The following NKAPL variants were observed in gnomAD, a reference collection of about 807,000 sequenced individuals.
NKAPL encodes the protein NFKB activating protein like, also known as NKAP-like protein.
NKAPL carries 7 observed loss-of-function variants against 14.7 expected under a neutral mutation model. The ratio of observed to expected loss-of-function variants is 0.48; its 90% CI spans 0.27 to 0.89. NKAPL has a LOEUF of 0.89. Ranked by LOEUF, NKAPL falls within the 40% of genes least tolerant of loss-of-function variation. NKAPL has a pLI of 0.12. For synonymous variants in NKAPL, 192 were observed against 179.9 expected (o/e 1.07, Z -0.54); for missense variants, 466 against 494.1 (o/e 0.94, Z 0.54).
rs1581598775 is a variant in NKAPL at position 28,259,754 on chromosome 6, T to C, written c.383T>C (p.Ile128Thr). The C allele has an allele frequency of 6.2e-7, 1 of 1,614,136 alleles. No homozygotes were observed. Among genetic ancestry groups the C allele is most frequent in the Non-Finnish European group, 8.5e-7 (1 of 1,180,024 alleles). Residue 128 changes from isoleucine (I) to threonine (T), a missense_variant, in exon 1 of 1, where the codon ATT becomes ACT. Ile to Thr is a moderately conservative substitution (Grantham distance 89, BLOSUM62 -1). Coordinates refer to ENST00000343684, the MANE Select transcript of NKAPL (RefSeq NM_001007531.3). The stretch of plus-strand genomic sequence containing the variant: ...AGGAGGCTGAAGGAGAGAGAGAGGA[T>C]TGGGGAATTGGGAGCGCCTGAAGTG... The part of the protein sequence containing the change: ...RQRRLKERER[I>T]GELGAPEVWG...
Position 28,260,418 on chromosome 6 carries a change from G to A in NKAPL, c.1047G>A (p.Met349Ile). 1 of 1,614,170 alleles carries A rather than the reference G, an allele frequency of 6.2e-7. No homozygotes were observed. The highest frequency in any genetic ancestry group is 1.1e-5 in the South Asian group (1 of 91,072). Reference sequence around the variant, plus strand: ...TGAGTGGTAGCAGGCATCGCAGAATGGAGGCTGTACGACTGCGTAAGGAGA... The same window carrying A: ...TGAGTGGTAGCAGGCATCGCAGAATAGAGGCTGTACGACTGCGTAAGGAGA... ...YVMSGSRHRRMEAVRLRKENQ... is the reference protein window; with the variant it reads ...YVMSGSRHRRIEAVRLRKENQ... The change falls in exon 1 of 1, where the codon ATG becomes ATA. Residue 349 changes from methionine (M) to isoleucine (I), a missense_variant. Coordinates refer to ENST00000343684, the MANE Select transcript of NKAPL (RefSeq NM_001007531.3).
Position 28,260,093 on chromosome 6 carries a change from A to G in NKAPL, c.722A>G (p.Asn241Ser), listed in dbSNP as rs1169930220. 37 of 1,581,498 alleles carry G rather than the reference A, an allele frequency of 2.3e-5. No homozygotes were observed. The highest frequency in any genetic ancestry group is 3.2e-5 in the Non-Finnish European group (37 of 1,171,076). ...KKKHKTKKKK[N>S]KKTKKESSDS... Reference sequence around the variant, plus strand: ...AAACACAAAACAAAGAAAAAGAAGAATAAGAAAACCAAAAAAGAATCCAGT... The same window carrying G: ...AAACACAAAACAAAGAAAAAGAAGAGTAAGAAAACCAAAAAAGAATCCAGT... Residue 241 changes from asparagine (N) to serine (S), a missense_variant, in exon 1 of 1, where the codon AAT becomes AGT. Transcript: ENST00000343684.
Position 28,260,103 on chromosome 6 carries a change from C to CA in NKAPL, c.738dup (p.Glu247ArgfsTer4). 6.3e-7 allele frequency: 1 copy of CA among 1,581,986 alleles called. No individual in the cohort carries two copies. Among genetic ancestry groups the CA allele is most frequent in the Non-Finnish European group, 8.5e-7 (1 of 1,170,966 alleles). On this transcript the variant is annotated frameshift_variant, in exon 1 of 1. Transcript: ENST00000343684. LOFTEE classifies it high-confidence loss of function. ...CAAAGAAAAAGAAGAATAAGAAAACCAAAAAAGAATCCAGTGACTCAAGCT... is the reference window on the plus strand; with the variant it reads ...CAAAGAAAAAGAAGAATAAGAAAACCAAAAAAAGAATCCAGTGACTCAAGCT...
rs1334649327 is a variant in NKAPL at position 28,259,593 on chromosome 6, G to A, written c.222G>A (p.Arg74=). Residue 74 remains arginine (R), a synonymous_variant, in exon 1 of 1, where the codon CGG becomes CGA. Coordinates refer to ENST00000343684, the MANE Select transcript of NKAPL (RefSeq NM_001007531.3). ...TTAGTCGCTCTGGGTCGCGAGGGCG[G>A]CTCCCAAGATTCCGCAACTACGCCT... The part of the protein sequence containing the change: ...YPFSRSGSRG[R]LPRFRNYAFA... 3 of 1,613,990 alleles carry A rather than the reference G, an allele frequency of 1.9e-6. No homozygotes were observed. Among genetic ancestry groups the A allele is most frequent in the African/African-American group, 1.3e-5 (1 of 74,944 alleles).
rs555680177 is a variant in NKAPL, at chr6:28,259,499, C to T, written c.128C>T (p.Ser43Phe). 71 of 1,614,206 alleles carry T rather than the reference C, an allele frequency of 4.4e-5. No homozygotes were observed. The highest frequency in any genetic ancestry group is 5.8e-5 in the Non-Finnish European group (68 of 1,180,040). ...TCCTCTTGGGATGGCTGTTCCCGCTCTCACTCCCGCGGCCGTGAGGGCCTC... is the reference window on the plus strand; with the variant it reads ...TCCTCTTGGGATGGCTGTTCCCGCTTTCACTCCCGCGGCCGTGAGGGCCTC... ...RCSSWDGCSR[S>F]HSRGREGLRP... Residue 43 changes from serine to phenylalanine, a missense_variant, in exon 1 of 1, where the codon TCT (serine) becomes TTT (phenylalanine). Physicochemically the swap from Ser to Phe is radical, Grantham distance 155. Transcript: ENST00000343684.
Position 28,260,188 on chromosome 6 carries a change from G to T in NKAPL, c.817G>T (p.Asp273Tyr). The T allele has an allele frequency of 6.2e-7, 1 of 1,614,118 alleles. No individual in the cohort carries two copies. Among genetic ancestry groups the T allele is most frequent in the Non-Finnish European group, 8.5e-7 (1 of 1,179,986 alleles). The change falls in exon 1 of 1, where the codon GAT becomes TAT. Residue 273 changes from aspartate to tyrosine, a missense_variant. Physicochemically the swap from Asp to Tyr is radical, Grantham distance 160 (BLOSUM62 -3). Coordinates refer to ENST00000343684, the MANE Select transcript of NKAPL (RefSeq NM_001007531.3). ...CTGGATGGAGCAGCCAAATGTGGCA[G>T]ATACTATGGATTTAATAGGGCCAGA... ...ATWMEQPNVA[D>Y]TMDLIGPEAP...
chr6:28,260,462 A>G lies in NKAPL; in HGVS notation c.1091A>G (p.Asp364Gly). The G allele has an allele frequency of 6.2e-7, 1 of 1,614,192 alleles. No homozygotes were observed. Among genetic ancestry groups the G allele is most frequent in the Non-Finnish European group, 8.5e-7 (1 of 1,180,036 alleles). ...AAGGAGAACCAGATCTACAGTGCTGATGAGAAGAGAGCTCTTGCATCCTTT... is the reference window on the plus strand; with the variant it reads ...AAGGAGAACCAGATCTACAGTGCTGGTGAGAAGAGAGCTCTTGCATCCTTT... Reference protein sequence around the residue: ...LRKENQIYSADEKRALASFNQ... With the variant: ...LRKENQIYSAGEKRALASFNQ... The change falls in exon 1 of 1, where the codon GAT becomes GGT. Residue 364 changes from aspartate to glycine, a missense_variant. Physicochemically the swap from Asp to Gly is moderately conservative, Grantham distance 94. Coordinates refer to ENST00000343684, the MANE Select transcript of NKAPL (RefSeq NM_001007531.3).
chr6:28,260,284 G>C lies in NKAPL; in HGVS notation c.913G>C (p.Gly305Arg). 1 of 1,614,184 alleles carries C rather than the reference G, an allele frequency of 6.2e-7. No individual in the cohort carries two copies. The highest frequency in any genetic ancestry group is 8.5e-7 in the Non-Finnish European group (1 of 1,180,026). ...KYGHALLPGE[G>R]AAMAEYVKAG... ...TGGCCATGCTTTGCTTCCCGGTGAA[G>C]GTGCAGCTATGGCTGAGTATGTAAA... is the stretch of plus-strand genomic sequence containing the variant. Residue 305 changes from glycine to arginine, a missense_variant, in exon 1 of 1, where the codon GGT becomes CGT. Coordinates refer to ENST00000343684, the MANE Select transcript of NKAPL (RefSeq NM_001007531.3).
chr6:28,260,016 C>T lies in NKAPL; in HGVS notation c.645C>T (p.Asp215=), dbSNP rs1351144549. 6.3e-7 allele frequency: 1 copy of T among 1,599,844 alleles called. No homozygotes were observed. The highest frequency in any genetic ancestry group is 1.4e-5 in the African/African-American group (1 of 73,548). ...DSNSESDTNS[D]SDDDKKRVKA... is the part of the protein sequence containing the mutation. The stretch of plus-strand genomic sequence containing the variant: ...ACTCAGAGTCTGACACAAATTCTGA[C>T]TCTGATGATGATAAAAAGAGAGTTA... Residue 215 remains aspartate (D), a synonymous_variant, in exon 1 of 1, where the codon GAC becomes GAT. Transcript: ENST00000343684.
rs1483751069 is a variant in NKAPL, at chr6:28,259,681, G to A, written c.310G>A (p.Glu104Lys). Residue 104 changes from glutamate (E) to lysine (K), a missense_variant, in exon 1 of 1, where the codon GAA becomes AAA. Coordinates refer to ENST00000343684, the MANE Select transcript of NKAPL (RefSeq NM_001007531.3). ...CTACCATCGTCACTGCTATGCAGAA[G>A]AACGGCAGTCAGCGGAAGACTACGA... Reference protein sequence around the residue: ...YRYHRHCYAEERQSAEDYEKE... With the variant: ...YRYHRHCYAEKRQSAEDYEKE... 9.9e-6 allele frequency: 16 copies of A among 1,614,254 alleles called. No individual in the cohort carries two copies. The highest frequency in any genetic ancestry group is 1.3e-5 in the African/African-American group (1 of 75,074).
rs753937740 is a variant in NKAPL, at chr6:28,259,401, C to T, written c.30C>T (p.Ser10=). ...CCCCAGTATCCCGGTCCAGCTATTC[C>T]GAGGACATCGTGGGCTCTCGGAGAA... The part of the protein sequence containing the change: MPPVSRSSY[S]EDIVGSRRRR... Residue 10 remains serine, a synonymous_variant, in exon 1 of 1, where the codon TCC becomes TCT. Coordinates refer to ENST00000343684, the MANE Select transcript of NKAPL (RefSeq NM_001007531.3). 8.7e-6 allele frequency: 14 copies of T among 1,601,390 alleles called. No homozygotes were observed. Among genetic ancestry groups the T allele is most frequent in the Admixed American group, 5.0e-5 (3 of 59,584 alleles).
rs1156327012 is a variant in NKAPL at position 28,259,637 on chromosome 6, C to T, written c.266C>T (p.Thr89Ile). 2.5e-6 allele frequency: 4 copies of T among 1,614,140 alleles called. No individual in the cohort carries two copies. The highest frequency in any genetic ancestry group is 3.4e-6 in the Non-Finnish European group (4 of 1,180,058). Residue 89 changes from threonine (T) to isoleucine (I), a missense_variant, in exon 1 of 1, where the codon ACC becomes ATC. Transcript: ENST00000343684. Reference protein sequence around the residue: ...RNYAFASSWSTSYSGYRYHRH... With the variant: ...RNYAFASSWSISYSGYRYHRH... ...TACGCCTTCGCGTCCTCCTGGTCGA[C>T]CTCGTATAGTGGATATCGCTACCAT...
rs1375111471 is a variant in NKAPL at position 28,259,724 on chromosome 6, G to C, written c.353G>C (p.Arg118Pro). 3 of 1,614,094 alleles carry C rather than the reference G, an allele frequency of 1.9e-6. No homozygotes were observed. The African/African-American group carries it at 4.0e-5, about 22-fold the overall frequency. The change falls in exon 1 of 1, where the codon CGG becomes CCG. Residue 118 changes from arginine (R) to proline (P), a missense_variant. Arg to Pro is a moderately radical substitution (Grantham distance 103, BLOSUM62 -2). Coordinates refer to ENST00000343684, the MANE Select transcript of NKAPL (RefSeq NM_001007531.3). ...AEDYEKEESH[R>P]QRRLKERERI... ...GACTACGAGAAGGAAGAGAGCCATCGGCAGAGGAGGCTGAAGGAGAGAGAG... is the reference window on the plus strand; with the variant it reads ...GACTACGAGAAGGAAGAGAGCCATCCGCAGAGGAGGCTGAAGGAGAGAGAG...
Position 28,259,839 on chromosome 6 carries a change from T to G in NKAPL, c.468T>G (p.Asp156Glu). The change falls in exon 1 of 1, where the codon GAT (aspartate) becomes GAG (glutamate). Residue 156 changes from aspartate (D) to glutamate (E), a missense_variant. Transcript: ENST00000343684. ...CTGACGAACATACCCCAGTTGAGGA[T>G]GAAGAAGAGGTAACGCATCAGAAAA... ...LDSDEHTPVEDEEEVTHQKSS... is the reference protein window; with the variant it reads ...LDSDEHTPVEEEEEVTHQKSS... 1 of 1,613,948 alleles carries G rather than the reference T, an allele frequency of 6.2e-7. No individual in the cohort carries two copies. Among genetic ancestry groups the G allele is most frequent in the Non-Finnish European group, 8.5e-7 (1 of 1,180,012 alleles).
In NKAPL at chr6:28,259,839, TGAA is replaced by T; in HGVS notation, c.474_476del (p.Glu159del). 4 of 1,613,948 alleles carry T rather than the reference TGAA, an allele frequency of 2.5e-6. No homozygotes were observed. The highest frequency in any genetic ancestry group is 3.4e-6 in the Non-Finnish European group (4 of 1,180,012). On this transcript the variant is annotated inframe_deletion, in exon 1 of 1. Transcript: ENST00000343684. ...CTGACGAACATACCCCAGTTGAGGA[TGAA>T]GAAGAGGTAACGCATCAGAAAAGCA... is the stretch of plus-strand genomic sequence containing the variant.
In NKAPL at chr6:28,260,914, G is replaced by T. The variant is rs1761334479; in HGVS notation, c.*334G>T. On this transcript the variant is annotated 3_prime_UTR_variant, in exon 1 of 1. Coordinates refer to ENST00000343684, the MANE Select transcript of NKAPL (RefSeq NM_001007531.3). ...CTGTGCATATACAAGAGTATATGTT[G>T]CAGCATAAAGATTAAAAGCTATTAA... 1.1e-5 allele frequency: 2 copies of T among 188,666 alleles called. No individual in the cohort carries two copies. The highest frequency in any genetic ancestry group is 6.1e-5 in the Admixed American group (1 of 16,438). 11.7% of individuals were successfully genotyped at this position (188,666 alleles called of 1,614,324 possible). A position where few individuals can be genotyped will look rare whatever the true frequency, so the allele number is the denominator to read the frequency against.
chr6:28,259,440 C>T lies in NKAPL; in HGVS notation c.69C>T (p.Ser23=). Residue 23 remains serine, a synonymous_variant, in exon 1 of 1, where the codon TCC becomes TCT. Coordinates refer to ENST00000343684, the MANE Select transcript of NKAPL (RefSeq NM_001007531.3). ...GCTCTCGGAGAAGGCGACGCAGCTC[C>T]TCGGGGAGCCCACCATCCCCGCAGA... ...IVGSRRRRRS[S]SGSPPSPQSR... is the part of the protein sequence containing the mutation. The T allele has an allele frequency of 6.2e-7, 1 of 1,612,744 alleles. No individual in the cohort carries two copies.
chr6:28,259,929 GAAAA>G lies in NKAPL; in HGVS notation c.562_565del (p.Lys188GlufsTer89). On this transcript the variant is annotated frameshift_variant, in exon 1 of 1. Coordinates refer to ENST00000343684, the MANE Select transcript of NKAPL (RefSeq NM_001007531.3). LOFTEE classifies it low-confidence loss of function (END_TRUNC). ...AGAAGACCAGTCGTTCAAGAAACAA[GAAAA>G]AAAGAAAGAATAAGTCGTCTAAAAG... 6.2e-7 allele frequency: 1 copy of G among 1,604,458 alleles called. No individual in the cohort carries two copies. Among genetic ancestry groups the G allele is most frequent in the Non-Finnish European group, 8.5e-7 (1 of 1,177,698 alleles).
Position 28,259,612 on chromosome 6 carries a change from T to G in NKAPL, c.241T>G (p.Tyr81Asp). Residue 81 changes from tyrosine (Y) to aspartate (D), a missense_variant, in exon 1 of 1, where the codon TAC (tyrosine) becomes GAC (aspartate). Tyr to Asp is a radical substitution (Grantham distance 160). Transcript: ENST00000343684. ...SRGRLPRFRN[Y>D]AFASSWSTSY... ...AGGGCGGCTCCCAAGATTCCGCAACTACGCCTTCGCGTCCTCCTGGTCGAC... is the reference window on the plus strand; with the variant it reads ...AGGGCGGCTCCCAAGATTCCGCAACGACGCCTTCGCGTCCTCCTGGTCGAC... 6.2e-7 allele frequency: 1 copy of G among 1,614,220 alleles called. No individual in the cohort carries two copies.
Sources: allele counts gnomAD v4.1 joint callset, GRCh38; gene constraint gnomAD v4.1.1; transcripts MANE v1.5; gene names NCBI Gene and HGNC (gene_info 2026-07-23, HGNC 2026-07-21).